PTP4A3: variants seen among roughly 807,000 people sequenced by gnomAD.
PTP4A3 encodes the protein protein tyrosine phosphatase 4A3.
Under a neutral mutation model 15.2 loss-of-function variants are expected in PTP4A3, and 9 were observed. That is an observed-to-expected ratio of 0.59 (90% confidence interval 0.36 to 1.03). PTP4A3 has a LOEUF of 1.03. PTP4A3 is among the 50% of genes least tolerant of loss of function. The pLI is 0.02. For synonymous variants in PTP4A3, 95 were observed against 102.0 expected (o/e 0.93, Z 0.41); for missense variants, 234 against 252.1 (o/e 0.93, Z 0.49).
At chr8:141,398,838 A>G (rs1258691788) in intron 1 of PTP4A3, among the ~76,000 whole-genome samples, 3 of 151,794 alleles carry the variant, frequency 2.0e-5, no homozygotes, top group African/African-American at 7.3e-5. Context: ...GTCTAGCTCT[A>G]CCACCCCCTA....
chr8:141,414,908 C>G (rs1242613678), intron 1 of PTP4A3, among the ~76,000 whole-genome samples: 1 of 150,860 alleles, frequency 6.6e-6, no homozygotes, highest in African/African-American at 2.4e-5. Context: ...GCAAGTGACC[C>G]GGGCCCTGGA....
intron 1 of PTP4A3, 40 bp from the exon 2 acceptor site, chr8:141,421,348 G>A (rs1271052334): frequency 6.6e-6 from 1 of 152,264 alleles, no homozygotes; most frequent in Non-Finnish European, 1.5e-5. Flanking sequence ...GGGGCCCCCT[G>A]TGATCCCTTT....
In PTP4A3 at chr8:141,425,854, G is replaced by C. The variant is rs940682655; in HGVS notation, c.198+714G>C. On this transcript the variant is annotated intron_variant, in intron 3 of 5. Transcript: ENST00000521578. This position sits in a 1 kb window ranked among gnomAD's most constrained non-coding sequence, Gnocchi z 4.2. ...GCGGTTTGGAATGGTGGCAGCGCTG[G>C]CGGTTTGGGGTCAGACAGGCCTTGG... Among the ~76,000 whole-genome samples the C allele has an allele frequency of 3.3e-5, 5 of 152,210 alleles. No individual in the cohort carries two copies. Among genetic ancestry groups the C allele is most frequent in the African/African-American group, 9.7e-5 (4 of 41,446 alleles).
intron 3 of PTP4A3, chr8:141,426,336 G>C (rs1487597212): frequency 4.2e-6 from 3 of 706,462 alleles, no homozygotes; most frequent in Admixed American, 6.3e-5. Context: ...CGGGACAGTG[G>C]GAAGCACAGG....
At position 141,406,886 on chromosome 8, in the gene PTP4A3, G is replaced by T. The variant is rs1246871360; in HGVS notation, c.-853-14502G>T. 6.6e-6 allele frequency among the ~76,000 whole-genome samples: 1 copy of T among 152,244 alleles called. No homozygotes were observed. The highest frequency in any genetic ancestry group is 6.5e-5 in the Admixed American group (1 of 15,282). On this transcript the variant is annotated intron_variant, in intron 1 of 5. Transcript: ENST00000521578. This position sits in a 1 kb window ranked among gnomAD's most constrained non-coding sequence, Gnocchi z 4.5. ...GCCCTGTGCCCACTGTATGTGCAAG[G>T]TCATGCAGGTTATGCTTTGAACTTC... is the stretch of plus-strand genomic sequence containing the variant.
chr8:141,399,726 C>A (rs1832538479), intron 1 of PTP4A3, among the ~76,000 whole-genome samples: 3 of 152,174 alleles, frequency 2.0e-5, no homozygotes, highest in Non-Finnish European at 4.4e-5. Flanking sequence ...TGGTGGCATG[C>A]CCTTTACTCT....
At chr8:141,407,568 ATTTTTTT>A (rs34070633) in intron 1 of PTP4A3, among the ~76,000 whole-genome samples, 1 of 139,874 alleles carries the variant, frequency 7.1e-6, no homozygotes, top group Non-Finnish European at 1.5e-5. Flanking sequence ...TAAACTTTCT[ATTTTTTT>A]TTTTTTTTTG....
chr8:141,395,141 G>A (rs989817839), intron 1 of PTP4A3, among the ~76,000 whole-genome samples: 5 of 152,222 alleles, frequency 3.3e-5, no homozygotes, highest in South Asian at 2.1e-4. Context: ...GACACAGCCC[G>A]TGCCAGTGTG....
rs773109645 is a variant in PTP4A3, at chr8:141,431,121, T to C, written c.*77T>C. On this transcript the variant is annotated 3_prime_UTR_variant, in exon 6 of 6. Transcript: ENST00000521578. ...ACCTGGAGGCCCTGCCCAGCCCTGC[T>C]CTGCCCAGCCCAGCAGGGGCTCCAG... 7 of 1,423,328 alleles carry C rather than the reference T, an allele frequency of 4.9e-6. No homozygotes were observed. The highest frequency in any genetic ancestry group is 5.9e-6 in the Non-Finnish European group (6 of 1,013,020). 88.2% of individuals were successfully genotyped at this position (1,423,328 alleles called of 1,614,324 possible). A position where few individuals can be genotyped will look rare whatever the true frequency, so the allele number is the denominator to read the frequency against.
At chr8:141,402,414 G>A (rs77310373) in intron 1 of PTP4A3, among the ~76,000 whole-genome samples, 6,300 of 152,300 alleles carry the variant, frequency 0.041, 172 homozygotes, top group Middle Eastern at 0.16. Context: ...CAGCTGCCCC[G>A]GCATTTGTGG....
Position 141,430,931 on chromosome 8 carries a change from CGCCGCGGA to C in PTP4A3, c.413_420del (p.Arg138HisfsTer172), listed in dbSNP as rs773612425. On this transcript the variant is annotated frameshift_variant, in exon 6 of 6. Coordinates refer to ENST00000521578, the MANE Select transcript of PTP4A3 (RefSeq NM_032611.3). LOFTEE classifies it high-confidence loss of function. ...TTCCTGTTCCCCTCTTCCCAGGAAG[CGCCGCGGA>C]GCCATCAACAGCAAGCAGCTCACCT... The C allele has an allele frequency of 6.2e-7, 1 of 1,613,094 alleles. No individual in the cohort carries two copies. Among genetic ancestry groups the C allele is most frequent in the South Asian group, 1.1e-5 (1 of 91,080 alleles).
chr8:141,414,442 G>T (rs879678407), intron 1 of PTP4A3, among the ~76,000 whole-genome samples: 1 of 152,044 alleles, frequency 6.6e-6, no homozygotes, highest in Non-Finnish European at 1.5e-5. Context: ...TCACTGGGAG[G>T]CTGGAAGAGG....
chr8:141,419,158 CGGAGCCTCCTCCCTCCCAGT>C (rs1833203774), intron 1 of PTP4A3, among the ~76,000 whole-genome samples: 2 of 152,210 alleles, frequency 1.3e-5, no homozygotes, highest in African/African-American at 4.8e-5. Context: ...TGGGGTGGTT[CGGAGCCTCCTCCCTCCCAGT>C]AGCCTGCAGC....
At chr8:141,399,168 C>T (rs1188632287) in intron 1 of PTP4A3, among the ~76,000 whole-genome samples, 1 of 152,214 alleles carries the variant, frequency 6.6e-6, no homozygotes, top group Non-Finnish European at 1.5e-5. Flanking sequence ...TTTACCTGCT[C>T]ATCCACTCCG....
intron 1 of PTP4A3, among the ~76,000 whole-genome samples, chr8:141,392,941 C>T (rs984024953): frequency 1.3e-5 from 2 of 152,062 alleles, no homozygotes; most frequent in Admixed American, 1.3e-4. Context: ...GCTGCACCCC[C>T]TCTCTCTGCC....
chr8:141,404,321 G>A (rs1451928875), intron 1 of PTP4A3, among the ~76,000 whole-genome samples: 2 of 152,276 alleles, frequency 1.3e-5, no homozygotes, highest in Non-Finnish European at 2.9e-5. Flanking sequence ...GGGCCTCTGC[G>A]CCTCTCCCCC....
Position 141,422,191 on chromosome 8 carries a change from C to A in PTP4A3, c.-50C>A. ...GTGGGGACTTCTCAGGTCGTGTCCC[C>A]AGCCTTCTCTGCAGTCCCTTCTGCC... On this transcript the variant is annotated 5_prime_UTR_variant, in exon 2 of 6. Coordinates refer to ENST00000521578, the MANE Select transcript of PTP4A3 (RefSeq NM_032611.3). 6.3e-7 allele frequency: 1 copy of A among 1,591,202 alleles called. No individual in the cohort carries two copies. The highest frequency in any genetic ancestry group is 8.6e-7 in the Non-Finnish European group (1 of 1,161,232).
At chr8:141,418,966 G>A (rs1398079021) in intron 1 of PTP4A3, among the ~76,000 whole-genome samples, 1 of 152,148 alleles carries the variant, frequency 6.6e-6, no homozygotes, top group African/African-American at 2.4e-5. Context: ...CTCTCACCTG[G>A]GGCAGGGGTA....
chr8:141,427,694 C>A, intron 4 of PTP4A3, 56 bp from the exon 5 acceptor site: 2 of 1,472,604 alleles, frequency 1.4e-6, no homozygotes, highest in Non-Finnish European at 9.2e-7. Flanking sequence ...GGTGCCCTGC[C>A]AAGGGGACAG....
Sources: allele counts gnomAD v4.1 joint callset (sites outside exome capture counted in the v4.1 genomes callset), GRCh38; gene constraint gnomAD v4.1.1; non-coding constraint Gnocchi (gnomAD v3.1); transcripts MANE v1.5; gene names NCBI Gene and HGNC (gene_info 2026-07-23, HGNC 2026-07-21).